The following MEF2A variants were observed in gnomAD, a reference collection of about 807,000 sequenced individuals.
The protein encoded by MEF2A is myocyte-specific enhancer factor 2A.
In MEF2A, 28 loss-of-function variants were observed where a neutral mutation model predicts 55.8. The observed-to-expected ratio is 0.50, with a 90% CI of 0.37 to 0.69. The LOEUF is 0.69. Among genes scored for constraint, MEF2A ranks in the 30% least tolerant of loss-of-function variants. The pLI, the probability that MEF2A is intolerant of heterozygous loss-of-function variation, is 0.00. For synonymous variants in MEF2A, 239 were observed against 227.1 expected (o/e 1.05, Z -0.47); for missense variants, 528 against 626.2 (o/e 0.84, Z 1.67).
intron 3 of MEF2A, among the ~76,000 whole-genome samples, chr15:99,635,755 G>A (rs955523354): frequency 1.3e-5 from 2 of 152,178 alleles, no homozygotes; most frequent in Non-Finnish European, 2.9e-5. Context: ...ATATATGTAA[G>A]TATATCTTGT....
chr15:99,682,737 T>C (rs2053471878), intron 7 of MEF2A, among the ~76,000 whole-genome samples: 3 of 152,202 alleles, frequency 2.0e-5, no homozygotes, highest in African/African-American at 7.2e-5. Flanking sequence ...TTCTCATGAG[T>C]TACCATCATG....
intron 2 of MEF2A, among the ~76,000 whole-genome samples, chr15:99,623,508 A>C (rs776807675): frequency 2.0e-5 from 3 of 152,198 alleles, no homozygotes; most frequent in Non-Finnish European, 4.4e-5. Flanking sequence ...ACTATTTTAC[A>C]TTCCCAAGAA....
intron 2 of MEF2A, among the ~76,000 whole-genome samples, chr15:99,627,761 A>G (rs1431917165): frequency 6.6e-6 from 1 of 152,218 alleles, no homozygotes; most frequent in East Asian, 1.9e-4. Flanking sequence ...TGTTTGTGCT[A>G]AACATTTTTC....
At chr15:99,688,573 C>T (rs931830895) in intron 7 of MEF2A, among the ~76,000 whole-genome samples, 4 of 152,106 alleles carry the variant, frequency 2.6e-5, no homozygotes, top group Non-Finnish European at 4.4e-5. Flanking sequence ...CTGGCTAACA[C>T]GGTGAAACCC....
intron 4 of MEF2A, among the ~76,000 whole-genome samples, chr15:99,653,842 T>C (rs111256051): frequency 2.0e-5 from 3 of 152,186 alleles, no homozygotes; most frequent in African/African-American, 7.2e-5. Context: ...TCATGCTTTG[T>C]TTTTATATAA....
intron 7 of MEF2A, among the ~76,000 whole-genome samples, chr15:99,689,948 A>C (rs1417162806): frequency 6.6e-6 from 1 of 152,222 alleles, no homozygotes; most frequent in Non-Finnish European, 1.5e-5. Context: ...GAGTATCCCA[A>C]ATACAAAATG....
chr15:99,613,236 T>A (rs1201836228), intron 2 of MEF2A, among the ~76,000 whole-genome samples: 1 of 152,240 alleles, frequency 6.6e-6, no homozygotes, highest in Admixed American at 6.5e-5. Context: ...CTGGTTTTAT[T>A]GTGGGGCTAG....
chr15:99,714,611 A>G lies in MEF2A; in HGVS notation c.*1840A>G, dbSNP rs2058975927. 1 of 152,142 alleles carries G rather than the reference A, an allele frequency of 6.6e-6. No homozygotes were observed. Among genetic ancestry groups the G allele is most frequent in the Non-Finnish European group, 1.5e-5 (1 of 68,028 alleles). 9.4% of individuals were successfully genotyped at this position (152,142 alleles called of 1,614,324 possible). A position where few individuals can be genotyped will look rare whatever the true frequency, so the allele number is the denominator to read the frequency against. Reference sequence around the variant, plus strand: ...AAGGCCTTATTCTTTCAGGAAGACAACTAATGGATGATAGCAAGTTCATCC... The same window carrying G: ...AAGGCCTTATTCTTTCAGGAAGACAGCTAATGGATGATAGCAAGTTCATCC... On this transcript the variant is annotated 3_prime_UTR_variant, in exon 12 of 12. Coordinates refer to ENST00000557942, the MANE Select transcript of MEF2A (RefSeq NM_001319206.4).
chr15:99,701,832 G>A lies in MEF2A; in HGVS notation c.859-1530G>A, dbSNP rs143693668. On this transcript the variant is annotated intron_variant, in intron 8 of 11. Transcript: ENST00000557942. ...TACTGGATATGCAATACTTGCTACT[G>A]TCTTTCAGAAATAAACTCTACAAAA... Among the ~76,000 whole-genome samples the A allele has an allele frequency of 3.2e-3, 492 of 152,318 alleles. 4 individuals carry two copies. The highest frequency in any genetic ancestry group is 0.011 in the African/African-American group (459 of 41,578).
Position 99,645,627 on chromosome 15 carries a change from T to C in MEF2A, c.121T>C (p.Cys41Arg). ...CTATGAACTTAGTGTGCTCTGTGAC[T>C]GTGAAATAGCACTCATCATTTTCAA... is the stretch of plus-strand genomic sequence containing the variant. ...KAYELSVLCD[C>R]EIALIIFNSS... The change falls in exon 4 of 12, where the codon TGT (cysteine) becomes CGT (arginine). Residue 41 changes from cysteine (C) to arginine (R), a missense_variant. Around this residue, in one of 2 missense-constraint regions of MEF2A, gnomAD observed 78 missense variants for 150.9 expected, o/e 0.52. Coordinates refer to ENST00000557942, the MANE Select transcript of MEF2A (RefSeq NM_001319206.4). 1 of 1,613,784 alleles carries C rather than the reference T, an allele frequency of 6.2e-7. No homozygotes were observed.
Position 99,692,689 on chromosome 15 carries a change from C to A in MEF2A, c.858+2261C>A, listed in dbSNP as rs1268760469. Among the ~76,000 whole-genome samples the A allele has an allele frequency of 2.6e-5, 4 of 152,074 alleles. No homozygotes were observed. The East Asian group carries it at 7.7e-4, about 29-fold the overall frequency. ...GAATCCCATGGGGTGCTCAGAAGCT[C>A]CTGAAAAGGTCTCGCTGTGGTACAC... On this transcript the variant is annotated intron_variant, in intron 8 of 11. Transcript: ENST00000557942.
intron 3 of MEF2A, among the ~76,000 whole-genome samples, chr15:99,640,178 CATT>C (rs963344936): frequency 2.5e-4 from 38 of 152,268 alleles, no homozygotes; most frequent in African/African-American, 8.2e-4. Flanking sequence ...AGATAACTCT[CATT>C]GTTGTGTTCT....
chr15:99,686,920 A>AC (rs1555494173), intron 7 of MEF2A, among the ~76,000 whole-genome samples: 3 of 147,978 alleles, frequency 2.0e-5, no homozygotes, highest in Non-Finnish European at 4.5e-5. Flanking sequence ...TTGTTTTTTG[A>AC]TTTTTTTTTT....
At chr15:99,593,792 C>T (rs940994097) in intron 1 of MEF2A, among the ~76,000 whole-genome samples, 2 of 152,042 alleles carry the variant, frequency 1.3e-5, no homozygotes, top group African/African-American at 2.4e-5. Flanking sequence ...TAAGTTGTAC[C>T]GTGGTATAAA....
chr15:99,682,877 A>G (rs1471008232), intron 7 of MEF2A, among the ~76,000 whole-genome samples: 1 of 152,266 alleles, frequency 6.6e-6, no homozygotes, highest in Admixed American at 6.5e-5. Context: ...AGATTTGAGT[A>G]TAAATCAAGT....
chr15:99,571,944 A>G (rs1962483792), intron 1 of MEF2A, among the ~76,000 whole-genome samples: 1 of 150,524 alleles, frequency 6.6e-6, no homozygotes. Context: ...TGAAGCCATC[A>G]TTCTCTTGCA....
chr15:99,600,519 G>A (rs910645673), intron 2 of MEF2A, among the ~76,000 whole-genome samples: 1 of 152,144 alleles, frequency 6.6e-6, no homozygotes, highest in Admixed American at 6.5e-5. Context: ...TTTCCTTCAT[G>A]TCTTGGAACT....
chr15:99,615,833 C>G (rs2040094033), intron 2 of MEF2A, among the ~76,000 whole-genome samples: 1 of 152,176 alleles, frequency 6.6e-6, no homozygotes, highest in Non-Finnish European at 1.5e-5. Flanking sequence ...GATACAGTCT[C>G]TTATTTACAT....
chr15:99,618,236 T>A (rs2040531952), intron 2 of MEF2A, among the ~76,000 whole-genome samples: 1 of 152,216 alleles, frequency 6.6e-6, no homozygotes, highest in South Asian at 2.1e-4. Context: ...CGAGAATCAC[T>A]TGTGTAGTAT....
Sources: gnomAD v4.1 joint callset for allele counts (sites outside exome capture counted in the v4.1 genomes callset) on GRCh38, gnomAD v4.1.1 for gene constraint, gnomAD v4.1.1 regional missense constraint, MANE v1.5 for transcripts, NCBI Gene and HGNC (gene_info 2026-07-23, HGNC 2026-07-21) for gene names.